XPO4: variants seen among roughly 807,000 people sequenced by gnomAD.
The protein encoded by XPO4 is exportin 4, also known as exportin-4.
A neutral mutation model predicts 143.0 loss-of-function variants in XPO4; 39 were observed. That is an observed-to-expected ratio of 0.27 (90% CI 0.21 to 0.36). The LOEUF (loss-of-function observed/expected upper bound fraction) is 0.36. Among genes scored for constraint, XPO4 ranks in the 10% least tolerant of loss-of-function variants. XPO4 has a pLI of 1.00. For synonymous variants in XPO4, 439 were observed against 474.0 expected (o/e 0.93, Z 0.96); for missense variants, 907 against 1,348.0 (o/e 0.67, Z 5.12).
chr13:20,849,508 G>A, intron 4 of XPO4: 11 of 985,308 alleles, frequency 1.1e-5, no homozygotes, highest in Non-Finnish European at 1.3e-5. Flanking sequence ...ACTTTCCTAG[G>A]AAGGCAAGTT....
chr13:20,862,989 T>A, intron 2 of XPO4, 131 bp from the exon 3 acceptor site: 6 of 1,476,514 alleles, frequency 4.1e-6, no homozygotes, highest in Non-Finnish European at 5.4e-6. Flanking sequence ...TTTTATCCAG[T>A]GACCTTGCTC....
intron 6 of XPO4, among the ~76,000 whole-genome samples, chr13:20,828,505 A>G (rs2059814907): frequency 6.6e-6 from 1 of 152,144 alleles, no homozygotes; most frequent in Non-Finnish European, 1.5e-5. Flanking sequence ...TTTTTTTAAG[A>G]TAATTGCTTA....
At chr13:20,865,648 A>C in intron 2 of XPO4, 2 of 931,574 alleles carry the variant, frequency 2.1e-6, no homozygotes, top group Non-Finnish European at 2.6e-6. Flanking sequence ...TAAAGTTAAT[A>C]ATACAGGAAA....
chr13:20,846,687 C>T (rs193140635), intron 4 of XPO4, among the ~76,000 whole-genome samples: 1 of 152,184 alleles, frequency 6.6e-6, no homozygotes, highest in East Asian at 1.9e-4. Context: ...TAGAAAAGCA[C>T]AACGAAAATA....
rs552508976 is a variant in XPO4 at position 20,799,033 on chromosome 13, A to AAAAGAAAG, written c.2322+124_2322+131dup. 99 of 992,508 alleles carry AAAAGAAAG rather than the reference A, an allele frequency of 1.0e-4. No individual in the cohort carries two copies. In the South Asian group the frequency reaches 1.6e-3, roughly 16 times the overall value. The allele number at this position is 992,508 out of a possible 1,614,324, so 61.5% of individuals were successfully genotyped here. A position where few individuals can be genotyped will look rare whatever the true frequency, so the allele number is the denominator to read the frequency against. On this transcript the variant is annotated intron_variant, in intron 16 of 22. Coordinates refer to ENST00000255305, the MANE Select transcript of XPO4 (RefSeq NM_022459.5). Reference sequence around the variant, plus strand: ...AAGACCCTATCTCAGAAAAAAAAAAAAAAGAAAGAAAGAAAGAAAGAAAAG... The same window carrying AAAAGAAAG: ...AAGACCCTATCTCAGAAAAAAAAAAAAAAGAAAGAAAGAAAGAAAGAAAGAAAGAAAAG...
At chr13:20,817,166 A>G (rs2059660205) in intron 9 of XPO4, among the ~76,000 whole-genome samples, 1 of 152,234 alleles carries the variant, frequency 6.6e-6, no homozygotes. Flanking sequence ...CCATCCAGAG[A>G]ATAAGTATTG....
chr13:20,833,084 C>G (rs1219964000), intron 6 of XPO4, among the ~76,000 whole-genome samples: 3 of 152,118 alleles, frequency 2.0e-5, no homozygotes, highest in African/African-American at 7.2e-5. Context: ...TTAGCATTGC[C>G]AAAACCCTTA....
chr13:20,850,984 T>C (rs2060079171), intron 4 of XPO4: 1 of 985,210 alleles, frequency 1.0e-6, no homozygotes, highest in Non-Finnish European at 1.2e-6. Flanking sequence ...CAAATCTCTC[T>C]TAAAAGTCAC....
At chr13:20,893,613 G>C (rs148968044) in intron 1 of XPO4, among the ~76,000 whole-genome samples, 2 of 151,710 alleles carry the variant, frequency 1.3e-5, no homozygotes, top group Admixed American at 6.6e-5. Context: ...AAAATTAGCC[G>C]GGCATGGTGG....
intron 4 of XPO4, among the ~76,000 whole-genome samples, chr13:20,847,212 AGT>A (rs1288693888): frequency 2.6e-5 from 4 of 152,246 alleles, no homozygotes; most frequent in African/African-American, 9.6e-5. Flanking sequence ...AAGAGAGCAA[AGT>A]ACTTCAACAC....
intron 4 of XPO4, chr13:20,850,970 T>C: frequency 5.1e-6 from 5 of 985,396 alleles, no homozygotes; most frequent in Non-Finnish European, 6.0e-6. Context: ...TTTTTTCTAC[T>C]TTTCAAATCT....
intron 6 of XPO4, among the ~76,000 whole-genome samples, chr13:20,834,399 A>T (rs1489363439): frequency 6.6e-6 from 1 of 151,962 alleles, no homozygotes; most frequent in Non-Finnish European, 1.5e-5. Flanking sequence ...TGGACAACAC[A>T]GCGAAACTCA....
chr13:20,792,827 C>A (rs776485717), intron 18 of XPO4, among the ~76,000 whole-genome samples: 3 of 151,478 alleles, frequency 2.0e-5, no homozygotes, highest in Non-Finnish European at 2.9e-5. Context: ...CTCTTGTTGC[C>A]CAGGCTGGAG....
chr13:20,847,539 T>C (rs766217661), intron 4 of XPO4, among the ~76,000 whole-genome samples: 7 of 152,220 alleles, frequency 4.6e-5, no homozygotes, highest in African/African-American at 1.4e-4. Flanking sequence ...AATGTTCTTA[T>C]CTGCCTCCTT....
chr13:20,837,539 G>T (rs1168491121), intron 6 of XPO4, among the ~76,000 whole-genome samples: 1 of 152,030 alleles, frequency 6.6e-6, no homozygotes, highest in Non-Finnish European at 1.5e-5. Flanking sequence ...CCAAATAATT[G>T]GGTCTACAGG....
At chr13:20,795,007 T>TAA (rs5802088) in intron 18 of XPO4, among the ~76,000 whole-genome samples, 51 of 134,530 alleles carry the variant, frequency 3.8e-4, no homozygotes, top group Non-Finnish European at 5.5e-4. Context: ...CCCAAGAATT[T>TAA]AAAAAAAAAA....
At chr13:20,895,581 G>T (rs1391344715) in intron 1 of XPO4, among the ~76,000 whole-genome samples, 2 of 151,490 alleles carry the variant, frequency 1.3e-5, no homozygotes, top group Non-Finnish European at 2.9e-5. Flanking sequence ...GCAGTGAGCC[G>T]AGATCGCACC....
In XPO4 at chr13:20,832,413, T is replaced by C. The variant is rs1424010146; in HGVS notation, c.728-5234A>G. ...AATGACACTCAAAAAAATAATTAAA[T>C]AAGGCATACAGTAGCTACACATTAT... On this transcript the variant is annotated intron_variant, in intron 6 of 22. Coordinates refer to ENST00000255305, the MANE Select transcript of XPO4 (RefSeq NM_022459.5). Among the ~76,000 whole-genome samples, 3 of 152,180 alleles carry C rather than the reference T, an allele frequency of 2.0e-5. No homozygotes were observed. In the East Asian group the frequency reaches 5.8e-4, roughly 29 times the overall value.
chr13:20,892,604 T>G (rs2060528707), intron 1 of XPO4, among the ~76,000 whole-genome samples: 1 of 152,050 alleles, frequency 6.6e-6, no homozygotes, highest in African/African-American at 2.4e-5. Flanking sequence ...CAAATATACA[T>G]TAGAGTCCAG....
Sources: gnomAD v4.1 joint callset for allele counts (sites outside exome capture counted in the v4.1 genomes callset) on GRCh38, gnomAD v4.1.1 for gene constraint, MANE v1.5 for transcripts, NCBI Gene and HGNC (gene_info 2026-07-23, HGNC 2026-07-21) for gene names.